NR2C2: variants seen among roughly 807,000 people sequenced by gnomAD.
NR2C2 encodes the protein Nuclear hormone receptor TR4.
A neutral mutation model predicts 62.9 loss-of-function variants in NR2C2; 6 were observed. That is an observed-to-expected ratio of 0.10 (90% CI 0.05 to 0.19). The LOEUF (loss-of-function observed/expected upper bound fraction) is 0.19, where lower values mean the gene tolerates loss of function less well. Ranked by LOEUF, NR2C2 falls within the 10% of genes least tolerant of loss-of-function variation. The pLI, the probability that NR2C2 is intolerant of heterozygous loss-of-function variation, is 1.00. For missense variants in NR2C2, 479 were observed against 762.7 expected (o/e 0.63, Z 4.38); for synonymous variants, 272 against 273.8 (o/e 0.99, Z 0.07).
chr3:14,973,656 T>G (rs1205606866), intron 1 of NR2C2, among the ~76,000 whole-genome samples: 2 of 152,224 alleles, frequency 1.3e-5, no homozygotes, highest in Non-Finnish European at 2.9e-5. Context: ...GAATATCTAG[T>G]TGTCCCAGAA....
chr3:14,953,873 C>T (rs921715176), intron 1 of NR2C2, among the ~76,000 whole-genome samples: 4 of 143,828 alleles, frequency 2.8e-5, no homozygotes, highest in African/African-American at 1.1e-4. Flanking sequence ...CCAGCCTGGG[C>T]GACAGTGCGA....
At chr3:14,970,126 C>T (rs2039993454) in intron 1 of NR2C2, among the ~76,000 whole-genome samples, 1 of 152,060 alleles carries the variant, frequency 6.6e-6, no homozygotes, top group Non-Finnish European at 1.5e-5. Flanking sequence ...GGTTTCTGAA[C>T]CACTCTTACC....
intron 1 of NR2C2, among the ~76,000 whole-genome samples, chr3:14,954,065 CT>C (rs1321300412): frequency 1.3e-5 from 2 of 152,144 alleles, no homozygotes; most frequent in African/African-American, 2.4e-5. Flanking sequence ...TTCTTGTCCC[CT>C]GTCCCACCAC....
At chr3:15,017,853 G>A (rs2041554627) in intron 4 of NR2C2, among the ~76,000 whole-genome samples, 1 of 152,202 alleles carries the variant, frequency 6.6e-6, no homozygotes, top group Non-Finnish European at 1.5e-5. Flanking sequence ...CCTGTGAAAT[G>A]TATCCTCCTT....
At chr3:15,038,948 C>A (rs2042178099) in intron 12 of NR2C2, 174 bp from the exon 13 acceptor site, 1 of 603,856 alleles carries the variant, frequency 1.7e-6, no homozygotes, top group South Asian at 2.1e-5. Context: ...CAGGCCTGGG[C>A]AGAAAACAGA....
At chr3:14,950,126 T>C (rs2039306829) in intron 1 of NR2C2, among the ~76,000 whole-genome samples, 1 of 152,208 alleles carries the variant, frequency 6.6e-6, no homozygotes, top group African/African-American at 2.4e-5. Flanking sequence ...GAACTACTGG[T>C]ATAGACATTG....
intron 4 of NR2C2, among the ~76,000 whole-genome samples, chr3:15,019,984 G>A (rs2041624168): frequency 6.6e-6 from 1 of 152,008 alleles, no homozygotes; most frequent in African/African-American, 2.4e-5. Flanking sequence ...TATACAACGT[G>A]GATATATTGA....
At position 15,017,756 on chromosome 3, in the gene NR2C2, A is replaced by C. The variant is rs577567546; in HGVS notation, c.376+1502A>C. ...AACTATTCTTAAAAGAAAAAGACTG[A>C]GTTATTCCAGATGCACACTTGGGAA... On this transcript the variant is annotated intron_variant, in intron 4 of 13. Transcript: ENST00000425241. Among the ~76,000 whole-genome samples the C allele has an allele frequency of 1.6e-4, 24 of 152,326 alleles. 1 individual carries two copies. Among genetic ancestry groups the C allele is most frequent in the Non-Finnish European group, 3.1e-4 (21 of 68,024 alleles).
At chr3:15,001,765 G>A (rs957761689) in intron 1 of NR2C2, among the ~76,000 whole-genome samples, 1 of 152,012 alleles carries the variant, frequency 6.6e-6, no homozygotes, top group Non-Finnish European at 1.5e-5. Flanking sequence ...TTACAGGCAC[G>A]TACCACCACA....
At chr3:15,042,751 A>G in intron 13 of NR2C2, 83 bp from the exon 14 acceptor site, 2 of 1,306,782 alleles carry the variant, frequency 1.5e-6, no homozygotes, top group Non-Finnish European at 2.2e-6. Flanking sequence ...TGTGCAATAC[A>G]GACGGGACCC....
At chr3:15,035,010 G>T (rs1396415078) in intron 11 of NR2C2, among the ~76,000 whole-genome samples, 1 of 152,206 alleles carries the variant, frequency 6.6e-6, no homozygotes, top group Non-Finnish European at 1.5e-5. Flanking sequence ...TGGAGCCTTT[G>T]GGCTGGGCAT....
chr3:14,982,022 A>G (rs886236075), intron 1 of NR2C2, among the ~76,000 whole-genome samples: 5 of 152,114 alleles, frequency 3.3e-5, no homozygotes, highest in Admixed American at 3.3e-4. Flanking sequence ...TCGTTTGGCA[A>G]CACCCTCACA....
rs1398701689 is a variant in NR2C2 at position 15,047,674 on chromosome 3, A to G, written c.*4666A>G. On this transcript the variant is annotated 3_prime_UTR_variant, in exon 14 of 14. Transcript: ENST00000425241. ...GGCACTGTCCTATGACTGAATAAAT[A>G]GTAATTCCCATCTTTCTATCGCCAG... 2 of 152,232 alleles carry G rather than the reference A, an allele frequency of 1.3e-5. No individual in the cohort carries two copies. The highest frequency in any genetic ancestry group is 4.1e-4 in the South Asian group (2 of 4,834). The allele number at this position is 152,232 out of a possible 1,614,324, so 9.4% of individuals were successfully genotyped here.
chr3:15,041,136 A>G (rs1448356523), intron 13 of NR2C2, among the ~76,000 whole-genome samples: 1 of 152,186 alleles, frequency 6.6e-6, no homozygotes, highest in Non-Finnish European at 1.5e-5. Context: ...AATTCACTCG[A>G]GATAGTTCTC....
intron 5 of NR2C2, among the ~76,000 whole-genome samples, 167 bp downstream of exon 5, chr3:15,021,099 A>T (rs986354562): frequency 1.3e-5 from 2 of 152,218 alleles, no homozygotes; most frequent in African/African-American, 4.8e-5. Flanking sequence ...TTGAGAGCCA[A>T]CGCTGCAGGG....
At chr3:15,010,158 A>C (rs1323948932) in intron 2 of NR2C2, among the ~76,000 whole-genome samples, 2 of 152,146 alleles carry the variant, frequency 1.3e-5, no homozygotes, top group Non-Finnish European at 2.9e-5. Flanking sequence ...GCTTGGATAT[A>C]TCCTTGCAAT....
At chr3:15,019,016 TAAAA>T (rs35022020) in intron 4 of NR2C2, among the ~76,000 whole-genome samples, 5 of 76,516 alleles carry the variant, frequency 6.5e-5, no homozygotes, top group Non-Finnish European at 1.2e-4. Flanking sequence ...ACTCTTGTCT[TAAAA>T]AAAAAAAAAA....
At chr3:15,036,427 G>A (rs1214323506) in intron 11 of NR2C2, among the ~76,000 whole-genome samples, 1 of 151,764 alleles carries the variant, frequency 6.6e-6, no homozygotes, top group African/African-American at 2.4e-5. Flanking sequence ...CCACTGTCAT[G>A]CCCAGGATTC....
At chr3:14,994,260 CAG>C (rs2040753779) in intron 1 of NR2C2, among the ~76,000 whole-genome samples, 1 of 151,902 alleles carries the variant, frequency 6.6e-6, no homozygotes, top group Non-Finnish European at 1.5e-5. Context: ...TGAATTATCA[CAG>C]AGAAAACATT....
Sources: gnomAD v4.1 joint callset for allele counts (sites outside exome capture counted in the v4.1 genomes callset) on GRCh38, gnomAD v4.1.1 for gene constraint, MANE v1.5 for transcripts, NCBI Gene and HGNC (gene_info 2026-07-23, HGNC 2026-07-21) for gene names.